The following MICU1 variants were observed in gnomAD, a reference collection of about 807,000 sequenced individuals.
MICU1 encodes mitochondrial calcium uptake 1.
A neutral mutation model predicts 56.8 loss-of-function variants in MICU1; 45 were observed. The ratio of observed to expected loss-of-function variants is 0.79; its 90% confidence interval spans 0.62 to 1.02. The LOEUF is 1.02. MICU1 is among the 50% of genes least tolerant of loss of function. The probability of loss-of-function intolerance (pLI) is 0.00; values close to 1 mark genes in which losing one functional copy is unlikely to be tolerated. For missense variants in MICU1, 504 were observed against 587.1 expected (o/e 0.86, Z 1.46); for synonymous variants, 186 against 195.1 (o/e 0.95, Z 0.39).
intron 4 of MICU1, among the ~76,000 whole-genome samples, chr10:72,549,191 GTT>G (rs869232997): frequency 1.4e-4 from 19 of 131,466 alleles, no homozygotes; most frequent in Non-Finnish European, 1.8e-4. Flanking sequence ...GTTTTTTTTG[GTT>G]TTTTTTTTTT....
chr10:72,443,283 T>G (rs1343400524), intron 8 of MICU1, among the ~76,000 whole-genome samples: 3 of 152,168 alleles, frequency 2.0e-5, no homozygotes, highest in Non-Finnish European at 4.4e-5. Context: ...CTTTGTCAGA[T>G]GAGTAGGTTG....
intron 8 of MICU1, among the ~76,000 whole-genome samples, chr10:72,444,116 G>C (rs1258907250): frequency 6.6e-6 from 1 of 151,098 alleles, no homozygotes. Flanking sequence ...GTAAACTATC[G>C]CAAGAACAAA....
chr10:72,422,085 C>A (rs912362636), intron 9 of MICU1, among the ~76,000 whole-genome samples: 87 of 152,150 alleles, frequency 5.7e-4, no homozygotes, highest in Admixed American at 5.6e-3. Context: ...CCCTACTGTG[C>A]CCAATGTGGT....
At chr10:72,438,662 TAAAGAAGAAAAG>T (rs1864818087) in intron 8 of MICU1, among the ~76,000 whole-genome samples, 1 of 150,882 alleles carries the variant, frequency 6.6e-6, no homozygotes, top group African/African-American at 2.4e-5. Flanking sequence ...GCAAGACTAA[TAAAGAAGAAAAG>T]AAAGAAGAAT....
At chr10:72,423,199 C>A (rs750859952) in intron 9 of MICU1, 35 bp downstream of exon 9, 1 of 1,601,510 alleles carries the variant, frequency 6.2e-7, no homozygotes, top group Admixed American at 1.7e-5. Flanking sequence ...TACATTACCA[C>A]GGTTTCTCTT....
At chr10:72,615,345 T>C (rs1841950997) in intron 1 of MICU1, among the ~76,000 whole-genome samples, 1 of 152,176 alleles carries the variant, frequency 6.6e-6, no homozygotes, top group African/African-American at 2.4e-5. Flanking sequence ...CTTGAACTCC[T>C]GACCTCAAGC....
intron 8 of MICU1, among the ~76,000 whole-genome samples, chr10:72,451,508 T>C (rs1865298577): frequency 6.6e-6 from 1 of 152,182 alleles, no homozygotes; most frequent in African/African-American, 2.4e-5. Context: ...AGTATCAGAT[T>C]TGAAGAACTA....
chr10:72,602,217 G>C lies in MICU1; in HGVS notation c.-2+23793C>G, dbSNP rs553061065. Among the ~76,000 whole-genome samples, 11 of 151,782 alleles carry C rather than the reference G, an allele frequency of 7.2e-5. 1 individual carries two copies. In the South Asian group the frequency reaches 2.3e-3, roughly 32 times the overall value. On this transcript the variant is annotated intron_variant, in intron 1 of 11. Transcript: ENST00000361114. Reference sequence around the variant, plus strand: ...CCAAATCCTAGCAATTTGGGAGGCTGAGGTGGGTGGATCACTTCAGGTCAG... The same window carrying C: ...CCAAATCCTAGCAATTTGGGAGGCTCAGGTGGGTGGATCACTTCAGGTCAG...
intron 10 of MICU1, among the ~76,000 whole-genome samples, chr10:72,405,530 T>C (rs1863599609): frequency 6.6e-6 from 1 of 151,784 alleles, no homozygotes; most frequent in South Asian, 2.1e-4. Context: ...CCCTAACTCA[T>C]TTTATGAGGA....
At chr10:72,613,451 A>T (rs920979605) in intron 1 of MICU1, among the ~76,000 whole-genome samples, 3 of 150,190 alleles carry the variant, frequency 2.0e-5, no homozygotes, top group South Asian at 2.1e-4. Flanking sequence ...ATTTTTTTTT[A>T]TTTTTTGTAG....
At chr10:72,531,365 T>C (rs1363861084) in intron 5 of MICU1, 1 of 152,190 alleles carries the variant, frequency 6.6e-6, no homozygotes, top group African/African-American at 2.4e-5. Flanking sequence ...TTAGAATTCA[T>C]ATATTCTAGA....
At chr10:72,454,981 A>G (rs996865513) in intron 8 of MICU1, among the ~76,000 whole-genome samples, 1 of 152,044 alleles carries the variant, frequency 6.6e-6, no homozygotes, top group African/African-American at 2.4e-5. Context: ...GATGAGTAAG[A>G]TCAGAGTTTG....
intron 8 of MICU1, among the ~76,000 whole-genome samples, chr10:72,430,555 T>C (rs1443244852): frequency 6.6e-6 from 1 of 151,072 alleles, no homozygotes; most frequent in Non-Finnish European, 1.5e-5. Flanking sequence ...CCTTTTCTAG[T>C]ACATTATTAA....
intron 1 of MICU1, among the ~76,000 whole-genome samples, chr10:72,596,197 G>A (rs1046068116): frequency 3.3e-5 from 5 of 151,906 alleles, no homozygotes; most frequent in South Asian, 2.1e-4. Context: ...TGTTGGTCTC[G>A]AACTCCTGAC....
In MICU1 at chr10:72,477,173, C is replaced by T. The variant is rs369915689; in HGVS notation, c.735+1G>A. Reference sequence around the variant, plus strand: ...TAGAGGAACTCTCCAGGACAACTTGCCTGTTCAAATTCTTCCATATCTACT... The same window carrying T: ...TAGAGGAACTCTCCAGGACAACTTGTCTGTTCAAATTCTTCCATATCTACT... On this transcript the variant is annotated splice_donor_variant, in intron 7 of 11. Transcript: ENST00000361114. LOFTEE classifies it high-confidence loss of function. The T allele has an allele frequency of 1.9e-5, 29 of 1,540,332 alleles. No homozygotes were observed. Among genetic ancestry groups the T allele is most frequent in the Non-Finnish European group, 2.5e-5 (28 of 1,142,752 alleles).
intron 10 of MICU1, among the ~76,000 whole-genome samples, chr10:72,390,059 G>C (rs1863019832): frequency 6.6e-6 from 1 of 152,126 alleles, no homozygotes; most frequent in Non-Finnish European, 1.5e-5. Flanking sequence ...CAGATGGTTA[G>C]AACTCTTGAA....
At chr10:72,582,320 C>A (rs78988836) in intron 1 of MICU1, among the ~76,000 whole-genome samples, 6,201 of 152,250 alleles carry the variant, frequency 0.041, 430 homozygotes, top group African/African-American at 0.14. Flanking sequence ...TTATTTCATT[C>A]AGATCATTAT....
intron 7 of MICU1, among the ~76,000 whole-genome samples, chr10:72,476,869 G>A (rs988247434): frequency 1.3e-5 from 2 of 152,128 alleles, no homozygotes; most frequent in African/African-American, 2.4e-5. Context: ...GCAGCTTTTT[G>A]GTAAATGTTG....
At chr10:72,606,224 A>T (rs1841687123) in intron 1 of MICU1, among the ~76,000 whole-genome samples, 1 of 151,890 alleles carries the variant, frequency 6.6e-6, no homozygotes, top group South Asian at 2.1e-4. Flanking sequence ...TAAAATTAAA[A>T]AGTAAGGCTG....
Sources: gnomAD v4.1 joint callset for allele counts (sites outside exome capture counted in the v4.1 genomes callset) on GRCh38, gnomAD v4.1.1 for gene constraint, MANE v1.5 for transcripts, NCBI Gene and HGNC (gene_info 2026-07-23, HGNC 2026-07-21) for gene names.